Variants in GCNT2 observed in about 807,000 individuals in gnomAD.
GCNT2 encodes glucosaminyl (N-acetyl) transferase 2 (I blood group), also known as N-acetyllactosaminide beta-1,6-N-acetylglucosaminyl-transferase.
Under a neutral mutation model 34.2 loss-of-function variants are expected in GCNT2, and 34 were observed. The observed-to-expected ratio is 1.00, with a 90% CI of 0.76 to 1.32. The LOEUF is 1.32. Among genes scored for constraint, GCNT2 ranks in the 40% most tolerant of loss-of-function variants. The pLI is 0.00. For missense variants in GCNT2, 584 were observed against 489.4 expected (o/e 1.19, Z -1.82); for synonymous variants, 212 against 188.0 (o/e 1.13, Z -1.04).
At chr6:10,614,717 C>T (rs1252317347) in intron 3 of GCNT2, among the ~76,000 whole-genome samples, 1 of 151,964 alleles carries the variant, frequency 6.6e-6, no homozygotes. Flanking sequence ...CTTAAGTTGC[C>T]ATGTCCTATT....
chr6:10,591,219 C>T (rs1236733029), intron 3 of GCNT2, among the ~76,000 whole-genome samples: 2 of 152,194 alleles, frequency 1.3e-5, no homozygotes, highest in African/African-American at 2.4e-5. Context: ...GCATGCATCA[C>T]TATGCACCTG....
intron 3 of GCNT2, among the ~76,000 whole-genome samples, chr6:10,579,587 G>A (rs1195103791): frequency 6.6e-6 from 1 of 151,920 alleles, no homozygotes; most frequent in African/African-American, 2.4e-5. Flanking sequence ...AGGCTGAGGC[G>A]GGTGGATCAC....
At chr6:10,620,234 ATCT>A (rs1470501428) in intron 3 of GCNT2, among the ~76,000 whole-genome samples, 1 of 152,160 alleles carries the variant, frequency 6.6e-6, no homozygotes, top group East Asian at 1.9e-4. Flanking sequence ...ATTAAAAAGA[ATCT>A]TCTAAGAGAG....
rs567892506 is a variant in GCNT2, at chr6:10,563,414, T to C, written c.925+33578T>C. ...ATAAAACCCCATAAGAAGGGGACTG[T>C]TCCCATTTTACAGATGAGAAAGTTT... is the stretch of plus-strand genomic sequence containing the variant. On this transcript the variant is annotated intron_variant, in intron 3 of 4. Coordinates refer to ENST00000495262, the MANE Select transcript of GCNT2 (RefSeq NM_145649.5). 4.6e-4 allele frequency among the ~76,000 whole-genome samples: 70 copies of C among 152,286 alleles called. 2 individuals are homozygous for C. The South Asian group carries it at 0.013, about 28-fold the overall frequency.
intron 3 of GCNT2, among the ~76,000 whole-genome samples, chr6:10,532,252 C>T (rs1761529923): frequency 6.6e-6 from 1 of 152,102 alleles, no homozygotes; most frequent in East Asian, 1.9e-4. Context: ...CTTCTCGACT[C>T]GATGTATCTA....
chr6:10,562,673 AAAAAC>A (rs1166421727), intron 3 of GCNT2, among the ~76,000 whole-genome samples: 147 of 151,208 alleles, frequency 9.7e-4, no homozygotes, highest in African/African-American at 3.3e-3. Context: ...AAAAAAAAAA[AAAAAC>A]AAAAAAAAAC....
chr6:10,538,762 AATG>A (rs1400593745), intron 3 of GCNT2, among the ~76,000 whole-genome samples: 3 of 152,176 alleles, frequency 2.0e-5, no homozygotes, highest in Non-Finnish European at 2.9e-5. Flanking sequence ...CTTACATAAT[AATG>A]ATAATGTATA....
In GCNT2 at chr6:10,528,846, G is replaced by A. The variant is rs1181794075; in HGVS notation, c.-66G>A. The stretch of plus-strand genomic sequence containing the variant: ...ATTTCGGAACCTGGAGAAAATGTAA[G>A]TTAAATATATCTACACTCTGATCCT... On this transcript the variant is annotated 5_prime_UTR_variant, in exon 3 of 5. Transcript: ENST00000495262. The A allele has an allele frequency of 1.5e-6, 2 of 1,314,720 alleles. No homozygotes were observed. Among genetic ancestry groups the A allele is most frequent in the Non-Finnish European group, 2.2e-6 (2 of 909,958 alleles). 81.4% of individuals were successfully genotyped at this position (1,314,720 alleles called of 1,614,324 possible).
At chr6:10,617,010 C>T (rs1416765049) in intron 3 of GCNT2, among the ~76,000 whole-genome samples, 1 of 152,254 alleles carries the variant, frequency 6.6e-6, no homozygotes, top group Non-Finnish European at 1.5e-5. Context: ...GTGGATCCCG[C>T]ACCAGGGCCG....
chr6:10,556,833 C>A (rs539812897), intron 3 of GCNT2: 3 of 1,614,194 alleles, frequency 1.9e-6, no homozygotes, highest in South Asian at 2.2e-5. Flanking sequence ...TTTAAAGATG[C>A]GGTAGAGCAA....
At chr6:10,626,384 T>C (rs780835839) in intron 4 of GCNT2, 33 bp from the exon 5 acceptor site, 1 of 1,519,934 alleles carries the variant, frequency 6.6e-7, no homozygotes, top group East Asian at 2.3e-5. Context: ...AGCAAGCATG[T>C]TTTGACTCTG....
At chr6:10,608,737 T>G (rs1765427926) in intron 3 of GCNT2, among the ~76,000 whole-genome samples, 1 of 152,144 alleles carries the variant, frequency 6.6e-6, no homozygotes, top group South Asian at 2.1e-4. Context: ...CCTAACAAGG[T>G]TGAGCATGTT....
intron 4 of GCNT2, among the ~76,000 whole-genome samples, chr6:10,622,277 C>T (rs1467275742): frequency 2.0e-5 from 3 of 152,160 alleles, no homozygotes; most frequent in African/African-American, 2.4e-5. Flanking sequence ...CTAGGGCTGC[C>T]ATAACAAAGT....
intron 3 of GCNT2, among the ~76,000 whole-genome samples, chr6:10,543,021 C>T (rs1160799266): frequency 1.3e-5 from 2 of 151,086 alleles, no homozygotes; most frequent in African/African-American, 4.9e-5. Flanking sequence ...GATTCTCCTA[C>T]CTCAGCCTCC....
intron 1 of GCNT2, among the ~76,000 whole-genome samples, chr6:10,523,451 C>T (rs2113470602): frequency 6.6e-6 from 1 of 151,078 alleles, no homozygotes; most frequent in East Asian, 1.9e-4. Context: ...AAAAAAAAGA[C>T]CAGCTTTCTC....
At chr6:10,600,578 C>A (rs1194008291) in intron 3 of GCNT2, among the ~76,000 whole-genome samples, 1 of 152,108 alleles carries the variant, frequency 6.6e-6, no homozygotes, top group African/African-American at 2.4e-5. Flanking sequence ...TTGCCAAATC[C>A]TGACCTGTTC....
At chr6:10,524,582 C>T (rs140321382) in intron 1 of GCNT2, among the ~76,000 whole-genome samples, 265 of 152,056 alleles carry the variant, frequency 1.7e-3, no homozygotes, top group African/African-American at 6.0e-3. Flanking sequence ...AGCAGGGTAC[C>T]GAACTTGTCA....
rs1457901147 is a variant in GCNT2 at position 10,529,461 on chromosome 6, T to C, written c.550T>C (p.Trp184Arg). 6.2e-7 allele frequency: 1 copy of C among 1,614,118 alleles called. No individual in the cohort carries two copies. The highest frequency in any genetic ancestry group is 1.1e-5 in the South Asian group (1 of 91,076). ...AGACCTTGTGGCCTCTGAAGTTCCCTGGAAGTATGTCATCAACACCTGCGG... is the reference window on the plus strand; with the variant it reads ...AGACCTTGTGGCCTCTGAAGTTCCCCGGAAGTATGTCATCAACACCTGCGG... ...LEDLVASEVP[W>R]KYVINTCGQD... Residue 184 changes from tryptophan to arginine, a missense_variant, in exon 3 of 5, where the codon TGG becomes CGG. Trp to Arg is a moderately radical substitution (Grantham distance 101). Coordinates refer to ENST00000495262, the MANE Select transcript of GCNT2 (RefSeq NM_145649.5).
At chr6:10,526,787 T>G (rs1275439642) in intron 1 of GCNT2, among the ~76,000 whole-genome samples, 1 of 152,172 alleles carries the variant, frequency 6.6e-6, no homozygotes, top group Non-Finnish European at 1.5e-5. Flanking sequence ...AACATTGTGT[T>G]TAGAAACTAT....
Sources: gnomAD v4.1 joint callset for allele counts (sites outside exome capture counted in the v4.1 genomes callset) on GRCh38, gnomAD v4.1.1 for gene constraint, MANE v1.5 for transcripts, NCBI Gene and HGNC (gene_info 2026-07-23, HGNC 2026-07-21) for gene names.